ETV6: variants seen among roughly 807,000 people sequenced by gnomAD.
ETV6 encodes the protein ETS variant transcription factor 6.
ETV6 carries 16 observed loss-of-function variants against 51.1 expected under a neutral mutation model. The observed-to-expected ratio is 0.31, with a 90% CI of 0.21 to 0.48. The LOEUF is 0.48. Ranked by LOEUF, ETV6 falls within the 20% of genes least tolerant of loss-of-function variation. The pLI is 0.99. For synonymous variants in ETV6, 240 were observed against 224.1 expected (o/e 1.07, Z -0.64); for missense variants, 458 against 594.8 (o/e 0.77, Z 2.39).
chr12:11,812,270 T>C (rs1261115140), intron 2 of ETV6, among the ~76,000 whole-genome samples: 1 of 152,194 alleles, frequency 6.6e-6, no homozygotes, highest in African/African-American at 2.4e-5. Context: ...AGATCAGTCC[T>C]GAGGCCCCTT....
intron 1 of ETV6, among the ~76,000 whole-genome samples, chr12:11,713,089 A>G (rs1457816848): frequency 1.3e-5 from 2 of 152,138 alleles, no homozygotes; most frequent in African/African-American, 4.8e-5. Context: ...ATGAATTTAA[A>G]CTGGAAAGAG....
At position 11,716,589 on chromosome 12, in the gene ETV6, A is replaced by G. The variant is rs1865285247; in HGVS notation, c.34-35861A>G. 4 of 152,278 alleles carry G rather than the reference A, an allele frequency of 2.6e-5. No homozygotes were observed. The South Asian group carries it at 6.2e-4, about 24-fold the overall frequency. The allele number at this position is 152,278 out of a possible 1,614,324, so 9.4% of individuals were successfully genotyped here. A position where few individuals can be genotyped will look rare whatever the true frequency, so the allele number is the denominator to read the frequency against. On this transcript the variant is annotated intron_variant, in intron 1 of 7. Coordinates refer to ENST00000396373, the MANE Select transcript of ETV6 (RefSeq NM_001987.5). ...CTTTCTTCTGCCCTCTCTTCTAGCAATGCTCCAAGGATGCTTTGGAAGACT... is the reference window on the plus strand; with the variant it reads ...CTTTCTTCTGCCCTCTCTTCTAGCAGTGCTCCAAGGATGCTTTGGAAGACT...
At chr12:11,669,819 C>T (rs1329916082) in intron 1 of ETV6, among the ~76,000 whole-genome samples, 2 of 152,110 alleles carry the variant, frequency 1.3e-5, no homozygotes, top group East Asian at 3.9e-4. Flanking sequence ...AAAATAGAAA[C>T]CGTCGCCACC....
intron 1 of ETV6, among the ~76,000 whole-genome samples, chr12:11,651,387 C>T (rs1863904224): frequency 6.6e-6 from 1 of 152,142 alleles, no homozygotes; most frequent in African/African-American, 2.4e-5. Flanking sequence ...TACGTGCTTA[C>T]TAGGTTTTTT....
chr12:11,690,992 A>T (rs954120432), intron 1 of ETV6, among the ~76,000 whole-genome samples: 2 of 152,166 alleles, frequency 1.3e-5, no homozygotes, highest in Non-Finnish European at 1.5e-5. Flanking sequence ...TGAGTGGCTT[A>T]TAAACAACAG....
intron 1 of ETV6, among the ~76,000 whole-genome samples, chr12:11,742,609 C>T (rs1173882478): frequency 6.6e-6 from 1 of 152,112 alleles, no homozygotes; most frequent in Non-Finnish European, 1.5e-5. Flanking sequence ...CTTCAGTCTT[C>T]TTTTGAATTA....
At chr12:11,741,534 C>T (rs183745193) in intron 1 of ETV6, among the ~76,000 whole-genome samples, 1 of 152,192 alleles carries the variant, frequency 6.6e-6, no homozygotes, top group East Asian at 1.9e-4. Context: ...TGTGGAGCTC[C>T]GGAAAGTGAA....
intron 6 of ETV6, among the ~76,000 whole-genome samples, chr12:11,885,331 C>T (rs1947167700): frequency 6.6e-6 from 1 of 152,096 alleles, no homozygotes; most frequent in Non-Finnish European, 1.5e-5. Flanking sequence ...AGACCATGAC[C>T]AAATATGGCA....
chr12:11,653,048 G>A (rs887416796), intron 1 of ETV6, among the ~76,000 whole-genome samples: 2 of 151,816 alleles, frequency 1.3e-5, no homozygotes, highest in Non-Finnish European at 2.9e-5. Flanking sequence ...AGCACTCCTG[G>A]GGGGGTCTGT....
At chr12:11,682,790 T>A (rs773010173) in intron 1 of ETV6, among the ~76,000 whole-genome samples, 1 of 152,202 alleles carries the variant, frequency 6.6e-6, no homozygotes, top group Non-Finnish European at 1.5e-5. Context: ...GTTTTCTGCA[T>A]ATGGCTAGCC....
At chr12:11,820,401 A>G (rs980578536) in intron 2 of ETV6, among the ~76,000 whole-genome samples, 2 of 152,260 alleles carry the variant, frequency 1.3e-5, no homozygotes, top group African/African-American at 4.8e-5. Flanking sequence ...GAAAATGAGT[A>G]AGAAACAGCA....
At chr12:11,690,279 C>T (rs888917117) in intron 1 of ETV6, among the ~76,000 whole-genome samples, 3 of 151,904 alleles carry the variant, frequency 2.0e-5, no homozygotes, top group South Asian at 2.1e-4. Flanking sequence ...CCCTTCCTCA[C>T]GTCCTTACAA....
At chr12:11,729,101 T>C (rs545299705) in intron 1 of ETV6, among the ~76,000 whole-genome samples, 54 of 152,364 alleles carry the variant, frequency 3.5e-4, no homozygotes, top group African/African-American at 1.3e-3. Flanking sequence ...TATTTCTAAA[T>C]TGGGCTCTGC....
At chr12:11,688,614 GT>G (rs1376569083) in intron 1 of ETV6, among the ~76,000 whole-genome samples, 1 of 152,260 alleles carries the variant, frequency 6.6e-6, no homozygotes, top group Non-Finnish European at 1.5e-5. Context: ...AGAAGGCAGA[GT>G]TAGGTGTCCT....
Position 11,892,279 on chromosome 12 carries a change from G to C in ETV6, c.*1233G>C, listed in dbSNP as rs1051833325. Reference sequence around the variant, plus strand: ...AGTTTCCTGGTCTCCACTGGACACAGAGCTTTGGAGACGGAGGATCCCAGA... The same window carrying C: ...AGTTTCCTGGTCTCCACTGGACACACAGCTTTGGAGACGGAGGATCCCAGA... On this transcript the variant is annotated 3_prime_UTR_variant, in exon 8 of 8. Coordinates refer to ENST00000396373, the MANE Select transcript of ETV6 (RefSeq NM_001987.5). The C allele has an allele frequency of 1.4e-5, 3 of 212,992 alleles. No homozygotes were observed. The highest frequency in any genetic ancestry group is 2.7e-5 in the Non-Finnish European group (3 of 112,856). 13.2% of individuals were successfully genotyped at this position (212,992 alleles called of 1,614,324 possible). A position where few individuals can be genotyped will look rare whatever the true frequency, so the allele number is the denominator to read the frequency against.
chr12:11,763,384 A>T (rs1441474991), intron 2 of ETV6, among the ~76,000 whole-genome samples: 1 of 152,224 alleles, frequency 6.6e-6, no homozygotes, highest in African/African-American at 2.4e-5. Flanking sequence ...TTTTAGGAAC[A>T]CAAAAGTAGG....
chr12:11,852,949 G>A (rs938200369), intron 3 of ETV6, among the ~76,000 whole-genome samples: 29 of 152,280 alleles, frequency 1.9e-4, no homozygotes, highest in African/African-American at 6.0e-4. Context: ...CACTTTGGGA[G>A]GCCTAGGCGA....
chr12:11,855,519 T>C (rs867391089), intron 4 of ETV6, among the ~76,000 whole-genome samples: 1 of 152,216 alleles, frequency 6.6e-6, no homozygotes, highest in South Asian at 2.1e-4. Flanking sequence ...CCCTGGTCCC[T>C]TGGGGCATTT....
At chr12:11,750,160 G>A (rs969942211) in intron 1 of ETV6, among the ~76,000 whole-genome samples, 3 of 152,240 alleles carry the variant, frequency 2.0e-5, no homozygotes, top group Non-Finnish European at 4.4e-5. Flanking sequence ...GTGTTTCACC[G>A]TAAGGTCAGG....
Sources: gnomAD v4.1 joint callset for allele counts (sites outside exome capture counted in the v4.1 genomes callset) on GRCh38, gnomAD v4.1.1 for gene constraint, MANE v1.5 for transcripts, NCBI Gene and HGNC (gene_info 2026-07-23, HGNC 2026-07-21) for gene names.